The following ELK3 variants were observed in gnomAD, a reference collection of about 807,000 sequenced individuals.
The protein encoded by ELK3 is ETS transcription factor ELK3.
A neutral mutation model predicts 28.9 loss-of-function variants in ELK3; 10 were observed. The ratio of observed to expected loss-of-function variants is 0.35; its 90% confidence interval spans 0.21 to 0.59. The LOEUF (loss-of-function observed/expected upper bound fraction) is 0.59, where lower values mean the gene tolerates loss of function less well. ELK3 is among the 20% of genes least tolerant of loss of function. The pLI, the probability that ELK3 is intolerant of heterozygous loss-of-function variation, is 0.82. For missense variants in ELK3, 463 were observed against 517.3 expected (o/e 0.90, Z 1.02); for synonymous variants, 272 against 243.5 (o/e 1.12, Z -1.09).
At chr12:96,218,633 AGGG>A (rs1445607358) in intron 1 of ELK3, among the ~76,000 whole-genome samples, 1 of 149,520 alleles carries the variant, frequency 6.7e-6, no homozygotes, top group Non-Finnish European at 1.5e-5. Context: ...GGGTCTAGGC[AGGG>A]GAAAGATAAG....
rs768697321 is a variant in ELK3, at chr12:96,267,089, C to T, written c.1133C>T (p.Thr378Ile). Residue 378 changes from threonine (T) to isoleucine (I), a missense_variant, in exon 5 of 5, where the codon ACA becomes ATA. Around this residue, in one of 2 missense-constraint regions of ELK3, gnomAD observed 408 missense variants for 414.8 expected, o/e 0.98. Coordinates refer to ENST00000228741, the MANE Select transcript of ELK3 (RefSeq NM_005230.4). ...QGPSTLFQFP[T>I]LLNGHMPVPI... ...ATCTTTTGTCCCCTACAGTTCCCCA[C>T]ACTGCTTAATGGCCACATGCCAGTG... is the stretch of plus-strand genomic sequence containing the variant. 2 of 1,612,678 alleles carry T rather than the reference C, an allele frequency of 1.2e-6. No individual in the cohort carries two copies. The highest frequency in any genetic ancestry group is 1.7e-6 in the Non-Finnish European group (2 of 1,179,510).
chr12:96,243,539 A>C (rs1400493372), intron 2 of ELK3, among the ~76,000 whole-genome samples: 1 of 151,918 alleles, frequency 6.6e-6, no homozygotes, highest in African/African-American at 2.4e-5. Flanking sequence ...CCTGGCCAAC[A>C]TGGTGAAACC....
At chr12:96,258,007 T>A (rs930317725) in intron 3 of ELK3, among the ~76,000 whole-genome samples, 7 of 152,254 alleles carry the variant, frequency 4.6e-5, no homozygotes, top group Non-Finnish European at 1.0e-4. Context: ...ACATATCTTA[T>A]AAGAGCTTGC....
At chr12:96,234,952 C>T (rs1951770428) in intron 2 of ELK3, among the ~76,000 whole-genome samples, 1 of 152,296 alleles carries the variant, frequency 6.6e-6, no homozygotes, top group South Asian at 2.1e-4. Context: ...GGAGGAGAGA[C>T]AGGCCCCCGG....
chr12:96,194,971 C>G (rs376331920), intron 1 of ELK3, among the ~76,000 whole-genome samples: 10 of 150,960 alleles, frequency 6.6e-5, no homozygotes, highest in East Asian at 2.0e-4. Context: ...GGACCCTGCG[C>G]CCGCGGCTCC....
intron 4 of ELK3, among the ~76,000 whole-genome samples, chr12:96,264,625 A>G (rs1952016480): frequency 6.6e-6 from 1 of 152,068 alleles, no homozygotes; most frequent in Non-Finnish European, 1.5e-5. Context: ...TCTCCAAAAA[A>G]AATACAAAAA....
At chr12:96,253,641 C>T (rs918441551) in intron 3 of ELK3, among the ~76,000 whole-genome samples, 3 of 152,198 alleles carry the variant, frequency 2.0e-5, no homozygotes, top group Non-Finnish European at 2.9e-5. Context: ...TCTGTGGGAG[C>T]TTAGGATTAC....
intron 2 of ELK3, 103 bp downstream of exon 2, chr12:96,223,876 A>G (rs1951680692): frequency 1.6e-6 from 2 of 1,225,204 alleles, no homozygotes; most frequent in Admixed American, 2.1e-5. Flanking sequence ...ATCAAGTTAG[A>G]AAATAAAATA....
At chr12:96,265,946 C>T (rs34992071) in intron 4 of ELK3, among the ~76,000 whole-genome samples, 7,895 of 152,210 alleles carry the variant, frequency 0.052, 270 homozygotes, top group Non-Finnish European at 0.064. Flanking sequence ...CTAACTCCTA[C>T]CAAAATAAAA....
At chr12:96,248,051 G>A (rs1277585559) in intron 3 of ELK3, among the ~76,000 whole-genome samples, 2 of 149,884 alleles carry the variant, frequency 1.3e-5, no homozygotes, top group Non-Finnish European at 2.9e-5. Flanking sequence ...GGAAAGTTGA[G>A]CGGGCCAGTT....
chr12:96,204,287 T>G (rs895137230), intron 1 of ELK3, among the ~76,000 whole-genome samples: 7 of 152,208 alleles, frequency 4.6e-5, no homozygotes, highest in African/African-American at 1.7e-4. Context: ...TCCTGTAAGA[T>G]CCACAGTTCA....
chr12:96,203,327 C>T (rs781580886), intron 1 of ELK3, among the ~76,000 whole-genome samples: 10 of 152,192 alleles, frequency 6.6e-5, no homozygotes, highest in Non-Finnish European at 1.2e-4. Flanking sequence ...TCCGTAACTG[C>T]GGTCCCATTC....
At position 96,246,934 on chromosome 12, in the gene ELK3, T is replaced by C; in HGVS notation, c.208-6T>C. 1 of 1,582,690 alleles carries C rather than the reference T, an allele frequency of 6.3e-7. No individual in the cohort carries two copies. Among genetic ancestry groups the C allele is most frequent in the Non-Finnish European group, 8.6e-7 (1 of 1,161,962 alleles). On this transcript the variant is annotated splice_polypyrimidine_tract_variant and splice_region_variant and intron_variant, in intron 2 of 4. Coordinates refer to ENST00000228741, the MANE Select transcript of ELK3 (RefSeq NM_005230.4). ...AGATTTTCAACGTCTACTTTTGTAT[T>C]TGCAGAACATCATCAAGAAGGTGAT...
At chr12:96,233,106 A>T (rs899625964) in intron 2 of ELK3, among the ~76,000 whole-genome samples, 1 of 152,184 alleles carries the variant, frequency 6.6e-6, no homozygotes, top group Admixed American at 6.5e-5. Context: ...GCCAGGTACC[A>T]TGAATCTATT....
chr12:96,200,754 C>T (rs538999086), intron 1 of ELK3, among the ~76,000 whole-genome samples: 1 of 152,374 alleles, frequency 6.6e-6, no homozygotes, highest in Non-Finnish European at 1.5e-5. Flanking sequence ...CCTCCGCCTC[C>T]TGTGTCTAAG....
At chr12:96,230,528 C>T (rs988475363) in intron 2 of ELK3, among the ~76,000 whole-genome samples, 11 of 152,164 alleles carry the variant, frequency 7.2e-5, no homozygotes, top group Non-Finnish European at 1.5e-4. Context: ...AAACACTAGA[C>T]TCCGTGACAG....
intron 3 of ELK3, among the ~76,000 whole-genome samples, chr12:96,257,683 G>A (rs1157322171): frequency 2.0e-5 from 3 of 152,206 alleles, no homozygotes; most frequent in Non-Finnish European, 4.4e-5. Context: ...ACATATTGAG[G>A]TTGGAACCTT....
Position 96,247,478 on chromosome 12 carries a change from A to G in ELK3, c.746A>G (p.Asn249Ser). ...FSSRSPSLSPNSPLPSEHRSL... is the reference protein window; with the variant it reads ...FSSRSPSLSPSSPLPSEHRSL... ...TCTCGGTCCCCGTCCCTGTCCCCCA[A>G]CTCACCCCTCCCTTCTGAACACAGA... Residue 249 changes from asparagine to serine, a missense_variant, in exon 3 of 5, where the codon AAC (asparagine) becomes AGC (serine). By Grantham distance (46) the Asn-to-Ser change is conservative. This residue lies in a region of ELK3 where 408 missense variants were observed against 414.8 expected (regional missense o/e 0.98). Coordinates refer to ENST00000228741, the MANE Select transcript of ELK3 (RefSeq NM_005230.4). This position sits in a 1 kb window ranked among gnomAD's most constrained non-coding sequence, Gnocchi z 5.5. 1 of 1,611,078 alleles carries G rather than the reference A, an allele frequency of 6.2e-7. No homozygotes were observed. The highest frequency in any genetic ancestry group is 1.1e-5 in the South Asian group (1 of 90,906).
Position 96,206,825 on chromosome 12 carries a change from A to T in ELK3, c.-3+12120A>T, listed in dbSNP as rs931937130. 3.9e-5 allele frequency among the ~76,000 whole-genome samples: 6 copies of T among 152,324 alleles called. No homozygotes were observed. In the South Asian group the frequency reaches 1.0e-3, roughly 26 times the overall value. On this transcript the variant is annotated intron_variant, in intron 1 of 4. Transcript: ENST00000228741. ...TTGATGTTTGATGTTAATGCCACCA[A>T]CAGCCAGTCTCTTCCATCAGATGCT...
Sources: gnomAD v4.1 joint callset for allele counts (sites outside exome capture counted in the v4.1 genomes callset) on GRCh38, gnomAD v4.1.1 for gene constraint, gnomAD v4.1.1 regional missense constraint, Gnocchi (gnomAD v3.1) non-coding constraint, MANE v1.5 for transcripts, NCBI Gene and HGNC (gene_info 2026-07-23, HGNC 2026-07-21) for gene names.